Variants in ZSWIM5 observed in about 807,000 individuals in gnomAD.
ZSWIM5 encodes the protein zinc finger SWIM-type containing 5, also known as zinc finger SWIM domain-containing protein 5.
A neutral mutation model predicts 119.6 loss-of-function variants in ZSWIM5; 55 were observed. That is an observed-to-expected ratio of 0.46 (90% CI 0.37 to 0.58). The LOEUF (loss-of-function observed/expected upper bound fraction) is 0.58. Ranked by LOEUF, ZSWIM5 falls within the 20% of genes least tolerant of loss-of-function variation. The pLI, the probability that ZSWIM5 is intolerant of heterozygous loss-of-function variation, is 0.00. For synonymous variants in ZSWIM5, 537 were observed against 606.9 expected (o/e 0.88, Z 1.69); for missense variants, 1,193 against 1,512.8 (o/e 0.79, Z 3.51).
At chr1:45,112,380 G>C (rs1194690292) in intron 1 of ZSWIM5, among the ~76,000 whole-genome samples, 1 of 152,144 alleles carries the variant, frequency 6.6e-6, no homozygotes, top group Non-Finnish European at 1.5e-5. Flanking sequence ...GTACAAATAA[G>C]TATACTTATC....
rs561969001 is a variant in ZSWIM5 at position 45,077,913 on chromosome 1, A to C, written c.952+9968T>G. Among the ~76,000 whole-genome samples the C allele has an allele frequency of 5.3e-5, 8 of 152,336 alleles. No homozygotes were observed. The East Asian group carries it at 1.3e-3, about 26-fold the overall frequency. ...TCACTGGCGGTCAGAGTTTAAGGTTATCTCTCTTATTCCCTGAACAATTGC... is the reference window on the plus strand; with the variant it reads ...TCACTGGCGGTCAGAGTTTAAGGTTCTCTCTCTTATTCCCTGAACAATTGC... On this transcript the variant is annotated intron_variant, in intron 2 of 13. Transcript: ENST00000359600.
At chr1:45,043,459 T>G in intron 5 of ZSWIM5, 64 bp from the exon 6 acceptor site, 1 of 1,524,468 alleles carries the variant, frequency 6.6e-7, no homozygotes, top group Non-Finnish European at 9.0e-7. Context: ...GCCCTGGGTC[T>G]TCTTCAGGGT....
intron 2 of ZSWIM5, among the ~76,000 whole-genome samples, chr1:45,061,981 C>T (rs1479334042): frequency 1.3e-5 from 2 of 151,944 alleles, no homozygotes; most frequent in African/African-American, 4.8e-5. Context: ...TCCCAGCTAC[C>T]TGGGAGACTG....
intron 1 of ZSWIM5, among the ~76,000 whole-genome samples, chr1:45,163,536 G>T (rs964066706): frequency 1.3e-5 from 2 of 152,164 alleles, no homozygotes; most frequent in Non-Finnish European, 2.9e-5. Context: ...CGAGCTAAAG[G>T]AGGATGTTCG....
Position 45,072,409 on chromosome 1 carries a change from G to A in ZSWIM5, c.953-12162C>T, listed in dbSNP as rs1485112446. Among the ~76,000 whole-genome samples, 2 of 151,924 alleles carry A rather than the reference G, an allele frequency of 1.3e-5. No homozygotes were observed. The highest frequency in any genetic ancestry group is 4.9e-5 in the African/African-American group (2 of 41,230). On this transcript the variant is annotated intron_variant, in intron 2 of 13. Coordinates refer to ENST00000359600, the MANE Select transcript of ZSWIM5 (RefSeq NM_020883.2). This position sits in a 1 kb window ranked among gnomAD's most constrained non-coding sequence, Gnocchi z 4.1. ...TTGTCAATTATTTCCTTTCTGTACAGAAGCTTTTTAACTTGATGTGATCCC... is the reference window on the plus strand; with the variant it reads ...TTGTCAATTATTTCCTTTCTGTACAAAAGCTTTTTAACTTGATGTGATCCC...
intron 7 of ZSWIM5, 76 bp from the exon 8 acceptor site, chr1:45,039,149 C>A: frequency 1.9e-6 from 3 of 1,546,386 alleles, no homozygotes; most frequent in Non-Finnish European, 2.7e-6. Context: ...GTCTTCTTAT[C>A]AGTCTCTCCA....
At chr1:45,162,383 C>T (rs2149041900) in intron 1 of ZSWIM5, among the ~76,000 whole-genome samples, 1 of 152,264 alleles carries the variant, frequency 6.6e-6, no homozygotes, top group South Asian at 2.1e-4. Flanking sequence ...AGGAACAGCT[C>T]CAGTCTACAG....
intron 2 of ZSWIM5, among the ~76,000 whole-genome samples, chr1:45,076,029 GC>G (rs1645254823): frequency 6.6e-6 from 1 of 151,940 alleles, no homozygotes; most frequent in African/African-American, 2.4e-5. Flanking sequence ...TTAACTTCGT[GC>G]CCCTGCTTCT....
chr1:45,188,322 T>G (rs1295965017), intron 1 of ZSWIM5, among the ~76,000 whole-genome samples: 1 of 152,214 alleles, frequency 6.6e-6, no homozygotes, highest in Non-Finnish European at 1.5e-5. Context: ...AACATTATGC[T>G]AAGTGAAAGA....
Position 45,205,995 on chromosome 1 carries a change from C to A in ZSWIM5, c.356G>T (p.Gly119Val). 6.5e-7 allele frequency: 1 copy of A among 1,531,298 alleles called. No individual in the cohort carries two copies. The highest frequency in any genetic ancestry group is 2.7e-5 in the East Asian group (1 of 37,018). The allele number at this position is 1,531,298 out of a possible 1,614,324, so 94.9% of individuals were successfully genotyped here. ...ICMYSSFQYR[G>V]GPGAGAAGGA... ...GCCAGCAGCGCCGGCGCCGGGGCCG[C>A]CCCGGTACTGGAAGCTGGAGTACAT... The change falls in exon 1 of 14, where the codon GGC becomes GTC. Residue 119 changes from glycine (G) to valine (V), a missense_variant. This residue lies in a region of ZSWIM5 where 232 missense variants were observed against 222.9 expected (regional missense o/e 1.04). Coordinates refer to ENST00000359600, the MANE Select transcript of ZSWIM5 (RefSeq NM_020883.2).
chr1:45,060,364 GT>G lies in ZSWIM5; in HGVS notation c.953-118del, dbSNP rs1645145619. ...GATGGGTCATTCTGCTTTAATATGG[GT>G]TTTGTCAACTGTATAGTCCTAAACA... On this transcript the variant is annotated intron_variant, in intron 2 of 13. Transcript: ENST00000359600. The G allele has an allele frequency of 2.8e-6, 3 of 1,074,758 alleles. No homozygotes were observed. The Admixed American group carries it at 7.7e-5, about 27-fold the overall frequency. 66.6% of individuals were successfully genotyped at this position (1,074,758 alleles called of 1,614,324 possible).
chr1:45,180,109 G>A lies in ZSWIM5; in HGVS notation c.595+25647C>T, dbSNP rs186341693. ...GGACAGTGGGTGCAGCGCACTGTGC[G>A]CCAGCCGAAGCAGGGCGAGGCACTG... is the stretch of plus-strand genomic sequence containing the variant. On this transcript the variant is annotated intron_variant, in intron 1 of 13. Transcript: ENST00000359600. 6.5e-3 allele frequency among the ~76,000 whole-genome samples: 996 copies of A among 152,272 alleles called. 11 individuals are homozygous for A. Among genetic ancestry groups the A allele is most frequent in the African/African-American group, 0.023 (947 of 41,572 alleles).
At chr1:45,185,288 A>G (rs1169086149) in intron 1 of ZSWIM5, among the ~76,000 whole-genome samples, 2 of 150,616 alleles carry the variant, frequency 1.3e-5, no homozygotes, top group Non-Finnish European at 3.0e-5. Flanking sequence ...ACCTAAAACC[A>G]TAAAAACCCT....
chr1:45,205,703 G>A, intron 1 of ZSWIM5, 53 bp downstream of exon 1: 1 of 1,452,830 alleles, frequency 6.9e-7, no homozygotes, highest in South Asian at 1.2e-5. Context: ...CCGAGAAGAG[G>A]CACCCGCGGA....
intron 1 of ZSWIM5, among the ~76,000 whole-genome samples, chr1:45,157,045 C>G (rs891038451): frequency 6.6e-6 from 1 of 152,128 alleles, no homozygotes; most frequent in African/African-American, 2.4e-5. Context: ...ATGCCCTTGT[C>G]AATCCCCTCT....
chr1:45,068,091 CT>C (rs869057806), intron 2 of ZSWIM5, among the ~76,000 whole-genome samples: 36 of 111,520 alleles, frequency 3.2e-4, no homozygotes, highest in African/African-American at 8.7e-4. Flanking sequence ...AGCAATTTTT[CT>C]TTTTTTTTTT....
chr1:45,034,533 G>C, intron 10 of ZSWIM5, 64 bp from the exon 11 acceptor site: 1 of 1,527,030 alleles, frequency 6.5e-7, no homozygotes, highest in Non-Finnish European at 8.8e-7. Flanking sequence ...CCACCTTAGA[G>C]AAGCTTGCTC....
intron 1 of ZSWIM5, among the ~76,000 whole-genome samples, chr1:45,199,258 T>C (rs1038661060): frequency 2.0e-5 from 3 of 152,010 alleles, no homozygotes; most frequent in African/African-American, 7.2e-5. Context: ...AGAAAACCAC[T>C]AGGCAGAAGG....
intron 1 of ZSWIM5, among the ~76,000 whole-genome samples, chr1:45,167,589 A>C (rs1319806292): frequency 2.6e-5 from 4 of 152,176 alleles, no homozygotes; most frequent in African/African-American, 9.6e-5. Context: ...CAAAGGGCTA[A>C]TATCCAGAAT....
Sources: gnomAD v4.1 joint callset for allele counts (sites outside exome capture counted in the v4.1 genomes callset) on GRCh38, gnomAD v4.1.1 for gene constraint, gnomAD v4.1.1 regional missense constraint, Gnocchi (gnomAD v3.1) non-coding constraint, MANE v1.5 for transcripts, NCBI Gene and HGNC (gene_info 2026-07-23, HGNC 2026-07-21) for gene names.